TMEM117: variants seen among roughly 807,000 people sequenced by gnomAD.
TMEM117 encodes transmembrane protein 117.
A neutral mutation model predicts 52.4 loss-of-function variants in TMEM117; 27 were observed. That is an observed-to-expected ratio of 0.51 (90% confidence interval 0.38 to 0.71). The LOEUF is 0.71. Among genes scored for constraint, TMEM117 ranks in the 30% least tolerant of loss-of-function variants. The pLI, the probability that TMEM117 is intolerant of heterozygous loss-of-function variation, is 0.00. For synonymous variants in TMEM117, 215 were observed against 206.3 expected (o/e 1.04, Z -0.36); for missense variants, 556 against 630.5 (o/e 0.88, Z 1.26).
At chr12:44,256,821 C>A (rs1950265054) in intron 5 of TMEM117, among the ~76,000 whole-genome samples, 1 of 151,520 alleles carries the variant, frequency 6.6e-6, no homozygotes, top group Non-Finnish European at 1.5e-5. Context: ...TAAATATGTG[C>A]AATTGTTTCT....
chr12:44,257,168 G>T (rs973748064), intron 5 of TMEM117, among the ~76,000 whole-genome samples: 1 of 151,598 alleles, frequency 6.6e-6, no homozygotes, highest in Non-Finnish European at 1.5e-5. Flanking sequence ...GAGGCAGAGA[G>T]AAGGAGAAGT....
intron 6 of TMEM117, among the ~76,000 whole-genome samples, chr12:44,313,666 G>A (rs1045327111): frequency 2.0e-5 from 3 of 152,126 alleles, no homozygotes; most frequent in Non-Finnish European, 4.4e-5. Context: ...TAGTTTGAAG[G>A]AATAGTGTTG....
At chr12:44,051,817 A>C (rs936365808) in intron 3 of TMEM117, among the ~76,000 whole-genome samples, 1 of 152,236 alleles carries the variant, frequency 6.6e-6, no homozygotes, top group African/African-American at 2.4e-5. Context: ...AATGAACTTA[A>C]GTATATAATA....
downstream of TMEM117, among the ~76,000 whole-genome samples, chr12:44,390,229 CACAA>C (rs1677895470): frequency 6.7e-6 from 1 of 150,338 alleles, no homozygotes; most frequent in Non-Finnish European, 1.5e-5. Context: ...CACACACACA[CACAA>C]ATGCAGAGAT....
chr12:44,219,511 G>C (rs898054359), intron 5 of TMEM117, among the ~76,000 whole-genome samples: 1 of 152,130 alleles, frequency 6.6e-6, no homozygotes, highest in Non-Finnish European at 1.5e-5. Flanking sequence ...CAATTTGCCA[G>C]TAAAACATGA....
At chr12:44,046,883 T>C (rs1377129573) in intron 3 of TMEM117, among the ~76,000 whole-genome samples, 1 of 152,216 alleles carries the variant, frequency 6.6e-6, no homozygotes, top group Non-Finnish European at 1.5e-5. Flanking sequence ...GATTGATGTG[T>C]TTCCAGTTGT....
At chr12:44,089,167 T>C (rs577291606) in intron 3 of TMEM117, among the ~76,000 whole-genome samples, 2 of 152,306 alleles carry the variant, frequency 1.3e-5, no homozygotes, top group East Asian at 3.9e-4. Context: ...ATAACAATGT[T>C]AAATGTTCTT....
At chr12:43,983,412 G>A (rs1290372270) in intron 3 of TMEM117, among the ~76,000 whole-genome samples, 7 of 151,950 alleles carry the variant, frequency 4.6e-5, no homozygotes, top group Non-Finnish European at 2.9e-5. Flanking sequence ...TGGATACAGC[G>A]AGGTGTAATA....
At chr12:44,105,633 G>A (rs1354709932) in intron 3 of TMEM117, among the ~76,000 whole-genome samples, 2 of 151,996 alleles carry the variant, frequency 1.3e-5, no homozygotes, top group Non-Finnish European at 2.9e-5. Flanking sequence ...AGGTCTCAGT[G>A]TTTTAGCCTT....
At chr12:44,354,536 T>G (rs1432553367) in intron 6 of TMEM117, among the ~76,000 whole-genome samples, 3 of 152,028 alleles carry the variant, frequency 2.0e-5, no homozygotes, top group African/African-American at 7.2e-5. Context: ...GTAAACATAA[T>G]CCAGCATATA....
At chr12:44,172,746 A>T (rs781579020) in intron 4 of TMEM117, among the ~76,000 whole-genome samples, 3 of 152,004 alleles carry the variant, frequency 2.0e-5, no homozygotes, top group Admixed American at 6.5e-5. Context: ...TTTTTTTGAG[A>T]CTGAGTTTCG....
chr12:44,199,265 A>T (rs1949460894), intron 4 of TMEM117, among the ~76,000 whole-genome samples: 1 of 152,190 alleles, frequency 6.6e-6, no homozygotes. Flanking sequence ...CAAACATTAG[A>T]TCTGCTTTTA....
intron 1 of TMEM117, among the ~76,000 whole-genome samples, chr12:43,836,662 C>G (rs1403583167): frequency 6.6e-6 from 1 of 152,116 alleles, no homozygotes; most frequent in Non-Finnish European, 1.5e-5. Flanking sequence ...AAAACAAAGA[C>G]TTGGGTGTTT....
At chr12:43,831,147 G>A (rs993618254), upstream of TMEM117, among the ~76,000 whole-genome samples, 17 of 152,302 alleles carry the variant, frequency 1.1e-4, no homozygotes, top group Non-Finnish European at 2.2e-4. Flanking sequence ...ATCATAATTT[G>A]TCTGTGTTTG....
At chr12:43,838,907 C>G (rs1336578949) in intron 1 of TMEM117, among the ~76,000 whole-genome samples, 1 of 151,926 alleles carries the variant, frequency 6.6e-6, no homozygotes, top group Non-Finnish European at 1.5e-5. Context: ...TCCAAGAGCC[C>G]AACCCCTAAA....
intron 3 of TMEM117, among the ~76,000 whole-genome samples, chr12:44,010,551 C>T (rs886492031): frequency 9.9e-5 from 15 of 152,112 alleles, no homozygotes; most frequent in South Asian, 6.2e-4. Flanking sequence ...CTCTTTATTG[C>T]GCTTGTTCTT....
chr12:43,879,140 T>C (rs1943852874), intron 2 of TMEM117, among the ~76,000 whole-genome samples: 1 of 152,188 alleles, frequency 6.6e-6, no homozygotes, highest in Admixed American at 6.5e-5. Flanking sequence ...AAGGATATAC[T>C]GAAATTGTTC....
chr12:44,120,753 GGACCTC>G lies in TMEM117; in HGVS notation c.411-22770_411-22765del, dbSNP rs576852842. Among the ~76,000 whole-genome samples the G allele has an allele frequency of 3.3e-5, 5 of 152,264 alleles. No individual in the cohort carries two copies. The South Asian group carries it at 1.0e-3, about 32-fold the overall frequency. ...TCACAGTTCAGACTCTGATTGCTTA[GGACCTC>G]GTCCTGGTTTCTGGGTGTTGGAATA... is the stretch of plus-strand genomic sequence containing the variant. On this transcript the variant is annotated intron_variant, in intron 3 of 7. Coordinates refer to ENST00000266534, the MANE Select transcript of TMEM117 (RefSeq NM_032256.3).
At chr12:43,980,738 A>C (rs1286689657) in intron 3 of TMEM117, among the ~76,000 whole-genome samples, 1 of 152,176 alleles carries the variant, frequency 6.6e-6, no homozygotes, top group African/African-American at 2.4e-5. Context: ...GCAACAGATG[A>C]AAGAAGTACT....
Sources: allele counts gnomAD v4.1 joint callset (sites outside exome capture counted in the v4.1 genomes callset), GRCh38; gene constraint gnomAD v4.1.1; transcripts MANE v1.5; gene names NCBI Gene and HGNC (gene_info 2026-07-23, HGNC 2026-07-21).